The following PANK2 variants were observed in gnomAD, a reference collection of about 807,000 sequenced individuals.
The protein encoded by PANK2 is pantothenate kinase 2.
Under a neutral mutation model 43.1 loss-of-function variants are expected in PANK2, and 36 were observed. The ratio of observed to expected loss-of-function variants is 0.84; its 90% CI spans 0.64 to 1.10. The LOEUF is 1.10. Among genes scored for constraint, PANK2 ranks in the 50% least tolerant of loss-of-function variants. PANK2 has a pLI of 0.00. For missense variants in PANK2, 576 were observed against 593.3 expected, an observed-to-expected ratio of 0.97 and a Z score of 0.30; for synonymous variants, 281 against 238.2, an observed-to-expected ratio of 1.18 and a Z score of -1.66.
intron 1 of PANK2, among the ~76,000 whole-genome samples, chr20:3,897,234 C>A (rs755343738): frequency 6.6e-6 from 1 of 152,128 alleles, no homozygotes; most frequent in Non-Finnish European, 1.5e-5. Flanking sequence ...TATTATGGGA[C>A]CTTGTGCTTT....
At position 3,924,424 on chromosome 20, in the gene PANK2, G is replaced by C. The variant is rs956217743; in HGVS notation, c.*1130G>C. ...TCCGTTTAAGGCTGTGGTCAGGGAG[G>C]GATGGGCAGGGTGCCAGCCGCATGG... On this transcript the variant is annotated 3_prime_UTR_variant, in exon 7 of 7. Coordinates refer to ENST00000610179, the MANE Select transcript of PANK2 (RefSeq NM_001386393.1). 4 of 152,392 alleles carry C rather than the reference G, an allele frequency of 2.6e-5. No homozygotes were observed. Among genetic ancestry groups the C allele is most frequent in the African/African-American group, 9.7e-5 (4 of 41,440 alleles). 9.4% of individuals were successfully genotyped at this position (152,392 alleles called of 1,614,324 possible).
At chr20:3,899,593 GGTCT>G (rs2090266852) in intron 1 of PANK2, among the ~76,000 whole-genome samples, 1 of 151,588 alleles carries the variant, frequency 6.6e-6, no homozygotes, top group Admixed American at 6.6e-5. Flanking sequence ...AAATTCCTGA[GGTCT>G]GTGTCATTCT....
chr20:3,928,010 T>C lies in PANK2; in HGVS notation c.*4716T>C, dbSNP rs1177910157. ...ACTACACAAGCCCCTCTTTTTCTTCTGATATCCCCACTCAAATGGAAGCAC... is the reference window on the plus strand; with the variant it reads ...ACTACACAAGCCCCTCTTTTTCTTCCGATATCCCCACTCAAATGGAAGCAC... On this transcript the variant is annotated 3_prime_UTR_variant, in exon 7 of 7. Coordinates refer to ENST00000610179, the MANE Select transcript of PANK2 (RefSeq NM_001386393.1). The C allele has an allele frequency of 6.6e-6, 1 of 152,190 alleles. No individual in the cohort carries two copies. The highest frequency in any genetic ancestry group is 1.5e-5 in the Non-Finnish European group (1 of 68,028). The allele number at this position is 152,190 out of a possible 1,614,324, so 9.4% of individuals were successfully genotyped here.
chr20:3,903,689 G>A (rs916990114), intron 1 of PANK2, among the ~76,000 whole-genome samples: 4 of 150,544 alleles, frequency 2.7e-5, no homozygotes, highest in African/African-American at 7.3e-5. Flanking sequence ...GTGCAGTGGT[G>A]TGATCTCGGC....
rs886056652 is a variant in PANK2 at position 3,923,265 on chromosome 20, G to A, written c.1354G>A (p.Ala452Thr). The A allele has an allele frequency of 1.2e-6, 2 of 1,614,170 alleles. No homozygotes were observed. Among genetic ancestry groups the A allele is most frequent in the Non-Finnish European group, 1.7e-6 (2 of 1,180,030 alleles). ...TCAGGGTTATTTTGGAGCTGTTGGA[G>A]CACTCCTTGAGCTGTTGAAGATCCC... is the stretch of plus-strand genomic sequence containing the variant. The change falls in exon 7 of 7, where the codon GCA becomes ACA. Residue 452 changes from alanine (A) to threonine (T), a missense_variant. Ala to Thr is a moderately conservative substitution (Grantham distance 58). Transcript: ENST00000610179.
intron 1 of PANK2, among the ~76,000 whole-genome samples, chr20:3,896,088 G>T (rs1478744489): frequency 6.6e-5 from 10 of 150,938 alleles, no homozygotes; most frequent in African/African-American, 2.4e-4. Flanking sequence ...TTGAGACGGA[G>T]TCTTGCTCTG....
intron 6 of PANK2, among the ~76,000 whole-genome samples, chr20:3,920,867 A>G (rs2090635668): frequency 6.6e-6 from 1 of 152,068 alleles, no homozygotes; most frequent in African/African-American, 2.4e-5. Context: ...CAAAACACCA[A>G]ACCGATATCA....
At chr20:3,913,282 A>G (rs367777268) in intron 4 of PANK2, among the ~76,000 whole-genome samples, 32 of 152,142 alleles carry the variant, frequency 2.1e-4, no homozygotes, top group African/African-American at 7.5e-4. Context: ...TTCATATAGC[A>G]TATGTTTTCA....
chr20:3,912,072 G>C (rs1004000972), intron 3 of PANK2, among the ~76,000 whole-genome samples: 1 of 152,146 alleles, frequency 6.6e-6, no homozygotes, highest in African/African-American at 2.4e-5. Flanking sequence ...AGTATGTTTG[G>C]GGGTGTACTG....
intron 3 of PANK2, among the ~76,000 whole-genome samples, chr20:3,912,152 G>A (rs2090477403): frequency 6.6e-6 from 1 of 152,142 alleles, no homozygotes; most frequent in Non-Finnish European, 1.5e-5. Context: ...GGAAAGGGAG[G>A]AGGTGTTAGC....
In PANK2 at chr20:3,892,890, G is replaced by A. The variant is rs557666522; in HGVS notation, c.298+3162G>A. Among the ~76,000 whole-genome samples, 8 of 152,168 alleles carry A rather than the reference G, an allele frequency of 5.3e-5. 1 individual carries two copies. Among genetic ancestry groups the A allele is most frequent in the South Asian group, 2.1e-4 (1 of 4,826 alleles). ...GACTTACTGCATCAGAATCCCTAGC[G>A]ATGAGGCTAGGCATGTGTATATTTA... On this transcript the variant is annotated intron_variant, in intron 1 of 6. Coordinates refer to ENST00000610179, the MANE Select transcript of PANK2 (RefSeq NM_001386393.1).
intron 1 of PANK2, among the ~76,000 whole-genome samples, chr20:3,904,170 C>T (rs768859332): frequency 1.3e-5 from 2 of 151,996 alleles, no homozygotes; most frequent in African/African-American, 2.4e-5. Flanking sequence ...TTCTTTTACT[C>T]ACCCTATTTT....
chr20:3,889,766 CCCCCCCTTCCGGCCCACCCTGT>C, intron 1 of PANK2, 38 bp downstream of exon 1: 1 of 1,575,428 alleles, frequency 6.3e-7, no homozygotes, highest in South Asian at 1.1e-5. Flanking sequence ...GCCCGCCCTG[CCCCCCCTTCCGGCCCACCCTGT>C]CCCCTTCCGG....
intron 2 of PANK2, 104 bp downstream of exon 2, chr20:3,908,382 T>A: frequency 8.8e-7 from 1 of 1,135,614 alleles, no homozygotes; most frequent in South Asian, 1.4e-5. Flanking sequence ...GAACTTGAAT[T>A]TTCTTGAGTC....
chr20:3,903,170 A>T, intron 1 of PANK2, among the ~76,000 whole-genome samples: 1 of 147,424 alleles, frequency 6.8e-6, no homozygotes, highest in Admixed American at 7.0e-5. Flanking sequence ...TTTGAGACGG[A>T]GTCTCCCTCT....
intron 6 of PANK2, among the ~76,000 whole-genome samples, chr20:3,920,959 A>T (rs890191355): frequency 1.3e-5 from 2 of 152,118 alleles, no homozygotes; most frequent in African/African-American, 4.8e-5. Context: ...CCCACTGCTT[A>T]GCTTTGCTGG....
At chr20:3,904,028 T>TCA (rs2090347862) in intron 1 of PANK2, among the ~76,000 whole-genome samples, 1 of 152,020 alleles carries the variant, frequency 6.6e-6, no homozygotes, top group Non-Finnish European at 1.5e-5. Flanking sequence ...ACTCCTGACC[T>TCA]CAGGTGATCT....
intron 1 of PANK2, among the ~76,000 whole-genome samples, chr20:3,898,542 G>A (rs1181477611): frequency 6.6e-6 from 1 of 152,080 alleles, no homozygotes; most frequent in East Asian, 1.9e-4. Context: ...AAGGCTAGAT[G>A]TTTCCGTTTA....
In PANK2 at chr20:3,929,435, G is replaced by T. The variant is rs530772571; in HGVS notation, c.*6141G>T. The T allele has an allele frequency of 1.3e-5, 2 of 152,276 alleles. No individual in the cohort carries two copies. Among genetic ancestry groups the T allele is most frequent in the African/African-American group, 4.8e-5 (2 of 41,452 alleles). The allele number at this position is 152,276 out of a possible 1,614,324, so 9.4% of individuals were successfully genotyped here. On this transcript the variant is annotated 3_prime_UTR_variant, in exon 7 of 7. Coordinates refer to ENST00000610179, the MANE Select transcript of PANK2 (RefSeq NM_001386393.1). Reference sequence around the variant, plus strand: ...TGGGAGGGAAAGGGAGTAGCTCCATGAACTGACGCTGGACATTCAGGCATA... The same window carrying T: ...TGGGAGGGAAAGGGAGTAGCTCCATTAACTGACGCTGGACATTCAGGCATA...
Sources: gnomAD v4.1 joint callset for allele counts (sites outside exome capture counted in the v4.1 genomes callset) on GRCh38, gnomAD v4.1.1 for gene constraint, MANE v1.5 for transcripts, NCBI Gene and HGNC (gene_info 2026-07-23, HGNC 2026-07-21) for gene names.